Variants in VILL observed in about 807,000 individuals in gnomAD.
VILL encodes the protein villin like.
VILL carries 102 observed loss-of-function variants against 106.3 expected under a neutral mutation model. The ratio of observed to expected loss-of-function variants is 0.96; its 90% CI spans 0.82 to 1.13. The LOEUF is 1.13. Ranked by LOEUF, VILL falls within the 50% of genes most tolerant of loss-of-function variation. The pLI is 0.00. For missense variants in VILL, 1,076 were observed against 1,116.6 expected (o/e 0.96, Z 0.52); for synonymous variants, 431 against 440.3 (o/e 0.98, Z 0.27).
At chr3:38,001,145 A>T in intron 11 of VILL, 1 of 538,350 alleles carries the variant, frequency 1.9e-6, no homozygotes, top group South Asian at 1.8e-5. Context: ...AGCAGCTGGG[A>T]GGGGACTGAA....
Position 38,003,168 on chromosome 3 carries a change from G to T in VILL, c.1660G>T (p.Gly554Cys). ...CCTGAGCCATCTCTTTGCCTGCTAG[G>T]GCTGTAATGGTGATCAGCGTGAGAT... is the stretch of plus-strand genomic sequence containing the variant. ...ASVCYLWFGK[G>C]CNGDQREMAR... Residue 554 changes from glycine (G) to cysteine (C), a missense_variant and splice_region_variant, in exon 15 of 20, where the codon GGC becomes TGC. Coordinates refer to ENST00000383759, the MANE Select transcript of VILL (RefSeq NM_015873.4). 1 of 1,613,676 alleles carries T rather than the reference G, an allele frequency of 6.2e-7. No individual in the cohort carries two copies. The highest frequency in any genetic ancestry group is 8.5e-7 in the Non-Finnish European group (1 of 1,179,812).
In VILL at chr3:37,998,744, G is replaced by C. The variant is rs1165285417; in HGVS notation, c.943-168G>C. On this transcript the variant is annotated intron_variant, in intron 9 of 19. Transcript: ENST00000383759. The surrounding 1 kb of genome is among the most constrained non-coding windows in gnomAD (Gnocchi z 4.1). ...CTAAGGGGGCCCTGCCTGCCCTCAGGGACCTCAGAGAAGTCGGTGGTGACA... is the reference window on the plus strand; with the variant it reads ...CTAAGGGGGCCCTGCCTGCCCTCAGCGACCTCAGAGAAGTCGGTGGTGACA... Among the ~76,000 whole-genome samples, 2 of 152,162 alleles carry C rather than the reference G, an allele frequency of 1.3e-5. No homozygotes were observed. The highest frequency in any genetic ancestry group is 2.9e-5 in the Non-Finnish European group (2 of 68,030).
Position 37,997,392 on chromosome 3 carries a change from T to C in VILL, c.562-91T>C. The C allele has an allele frequency of 1.4e-6, 2 of 1,422,520 alleles. No individual in the cohort carries two copies. The highest frequency in any genetic ancestry group is 1.9e-6 in the Non-Finnish European group (2 of 1,030,026). The allele number at this position is 1,422,520 out of a possible 1,614,324, so 88.1% of individuals were successfully genotyped here. ...GAGGGGACATCAGCCCTTCTCCCCA[T>C]CAGCCTCTGGGAGCTGAGCAGTGAC... On this transcript the variant is annotated intron_variant, in intron 6 of 19. Coordinates refer to ENST00000383759, the MANE Select transcript of VILL (RefSeq NM_015873.4). The surrounding 1 kb of genome is among the most constrained non-coding windows in gnomAD (Gnocchi z 4.7).
chr3:37,998,101 AG>A lies in VILL; in HGVS notation c.779del (p.Gly260AlafsTer14), dbSNP rs1699739269. ...ANVRLYHVYE[K>X]GKDLVVLELA... is the part of the protein sequence containing the mutation. The stretch of plus-strand genomic sequence containing the variant: ...TCCTGTCCCCCCAGTGTCTATGAGA[AG>A]GGCAAAGACCTGGTGGTCCTGGAGT... On this transcript the variant is annotated frameshift_variant, in exon 8 of 20. Transcript: ENST00000383759. LOFTEE classifies it high-confidence loss of function. The surrounding 1 kb of genome is among the most constrained non-coding windows in gnomAD (Gnocchi z 4.1). The A allele has an allele frequency of 6.2e-7, 1 of 1,611,238 alleles. No individual in the cohort carries two copies. The highest frequency in any genetic ancestry group is 1.3e-5 in the African/African-American group (1 of 74,786).
chr3:37,996,217 G>A (rs1349295624), intron 5 of VILL, among the ~76,000 whole-genome samples: 1 of 152,154 alleles, frequency 6.6e-6, no homozygotes, highest in Admixed American at 6.5e-5. Context: ...TTGGGCAGAT[G>A]GGGCAGATGA....
intron 19 of VILL, 26 bp from the exon 20 acceptor site, chr3:38,006,916 T>C (rs945290584): frequency 2.5e-6 from 4 of 1,597,720 alleles, no homozygotes; most frequent in Non-Finnish European, 2.6e-6. Flanking sequence ...CCCTACCCTG[T>C]ACCTCCCCCT....
Position 38,006,599 on chromosome 3 carries a change from A to T in VILL, c.2356A>T (p.Ser786Cys). 6.2e-7 allele frequency: 1 copy of T among 1,614,110 alleles called. No homozygotes were observed. Among genetic ancestry groups the T allele is most frequent in the Non-Finnish European group, 8.5e-7 (1 of 1,180,038 alleles). ...TGGCAGCAGAACCAGCAGCTCCGTC[A>T]GCAGCACCAGCGCCACGATCAACGG... The part of the protein sequence containing the change: ...SAGSRTSSSV[S>C]STSATINGGL... The change falls in exon 19 of 20, where the codon AGC becomes TGC. Residue 786 changes from serine (S) to cysteine (C), a missense_variant. By Grantham distance (112) the Ser-to-Cys change is moderately radical (BLOSUM62 -1). Coordinates refer to ENST00000383759, the MANE Select transcript of VILL (RefSeq NM_015873.4).
At position 38,003,319 on chromosome 3, in the gene VILL, A is replaced by G. The variant is rs201227218; in HGVS notation, c.1805+6A>G. On this transcript the variant is annotated splice_donor_region_variant and intron_variant, in intron 15 of 19. Coordinates refer to ENST00000383759, the MANE Select transcript of VILL (RefSeq NM_015873.4). ...CCCTACCCCAGCAACAAGAGGTAAC[A>G]GGGTTGGGAGGAGAGTGTTCTTACC... 1 of 1,600,564 alleles carries G rather than the reference A, an allele frequency of 6.2e-7. No homozygotes were observed. Among genetic ancestry groups the G allele is most frequent in the East Asian group, 2.2e-5 (1 of 44,540 alleles).
rs1368414258 is a variant in VILL, at chr3:37,999,456, T to C, written c.1182+17T>C. ...AAGGTGGAGGTGAGGGGTACTGGGT[T>C]AGCTGGGGGAAGATGGGCACACGGA... On this transcript the variant is annotated intron_variant, in intron 11 of 19. Transcript: ENST00000383759. 2.1e-6 allele frequency: 3 copies of C among 1,461,236 alleles called. No individual in the cohort carries two copies. The highest frequency in any genetic ancestry group is 1.8e-6 in the Non-Finnish European group (2 of 1,106,568). 90.5% of individuals were successfully genotyped at this position (1,461,236 alleles called of 1,614,324 possible).
rs529252178 is a variant in VILL, at chr3:38,001,458, G to A, written c.1185G>A (p.Val395=). The change falls in exon 12 of 20, where the codon GTG becomes GTA. Residue 395 remains valine (V), a splice_region_variant and synonymous_variant. Coordinates refer to ENST00000383759, the MANE Select transcript of VILL (RefSeq NM_015873.4). ...CCCATTGGTCCCTTATTCCCCAGGT[G>A]TGGTGCATCCAGGACTTACACAGGC... is the stretch of plus-strand genomic sequence containing the variant. The part of the protein sequence containing the change: ...MVDDGSGKVE[V]WCIQDLHRQP... The A allele has an allele frequency of 6.2e-7, 1 of 1,614,040 alleles. No homozygotes were observed. Among genetic ancestry groups the A allele is most frequent in the East Asian group, 2.2e-5 (1 of 44,892 alleles).
In VILL at chr3:38,004,334, G is replaced by A. The variant is rs1348667417; in HGVS notation, c.1885G>A (p.Val629Met). ...CATGGGCTGCCTGGTCCTCGCAGAA[G>A]TGGGGTTCTTCAGCCAGGAGGACCT... ...SHMGCLVLAE[V>M]GFFSQEDLDK... Residue 629 changes from valine (V) to methionine (M), a missense_variant, in exon 16 of 20, where the codon GTG becomes ATG. Physicochemically the swap from Val to Met is conservative, Grantham distance 21. Transcript: ENST00000383759. 5 of 1,613,718 alleles carry A rather than the reference G, an allele frequency of 3.1e-6. No homozygotes were observed. Among genetic ancestry groups the A allele is most frequent in the African/African-American group, 1.3e-5 (1 of 74,954 alleles).
Position 37,999,272 on chromosome 3 carries a change from G to A in VILL, c.1082-67G>A, listed in dbSNP as rs1575336801. On this transcript the variant is annotated intron_variant, in intron 10 of 19. Transcript: ENST00000383759. ...AATCTTGGAGGGATGGTTGAGGAGT[G>A]GGCGGGGCGGAGATGGTGTTGGGGG... The A allele has an allele frequency of 3.0e-6, 4 of 1,329,702 alleles. No individual in the cohort carries two copies. The East Asian group carries it at 7.8e-5, about 26-fold the overall frequency. The allele number at this position is 1,329,702 out of a possible 1,614,324, so 82.4% of individuals were successfully genotyped here.
In VILL at chr3:38,005,813, G is replaced by A. The variant is rs757260285; in HGVS notation, c.1972G>A (p.Ala658Thr). The change falls in exon 17 of 20, where the codon GCT becomes ACT. Residue 658 changes from alanine to threonine, a missense_variant. By Grantham distance (58) the Ala-to-Thr change is moderately conservative. Coordinates refer to ENST00000383759, the MANE Select transcript of VILL (RefSeq NM_015873.4). The stretch of plus-strand genomic sequence containing the variant: ...TCAGATCTTCCTGTGGCTTGGGGAA[G>A]CTGCAAGTGAGTGGAAGGAGGCGGT... Reference protein sequence around the residue: ...WQEIFLWLGEAASEWKEAVAW... With the variant: ...WQEIFLWLGETASEWKEAVAW... 2 of 1,612,080 alleles carry A rather than the reference G, an allele frequency of 1.2e-6. No individual in the cohort carries two copies. The highest frequency in any genetic ancestry group is 1.7e-6 in the Non-Finnish European group (2 of 1,179,018).
intron 17 of VILL, 72 bp downstream of exon 17, chr3:38,006,046 TGAG>T (rs780360077): frequency 8.8e-6 from 14 of 1,590,288 alleles, no homozygotes; most frequent in Non-Finnish European, 1.2e-5. Context: ...GCCAATGGAA[TGAG>T]GAGGCACTGC....
chr3:37,988,969 T>G (rs1208779473), upstream of VILL, among the ~76,000 whole-genome samples: 1 of 152,250 alleles, frequency 6.6e-6, no homozygotes, highest in Non-Finnish European at 1.5e-5. Context: ...TTACCACAAT[T>G]TTTTTAAATC....
chr3:37,997,094 C>T lies in VILL; in HGVS notation c.468C>T (p.Asn156=), dbSNP rs774027504. 1 of 1,614,064 alleles carries T rather than the reference C, an allele frequency of 6.2e-7. No homozygotes were observed. Among genetic ancestry groups the T allele is most frequent in the Non-Finnish European group, 8.5e-7 (1 of 1,179,988 alleles). The change falls in exon 6 of 20, where the codon AAC becomes AAT. Residue 156 remains asparagine, a synonymous_variant. Coordinates refer to ENST00000383759, the MANE Select transcript of VILL (RefSeq NM_015873.4). This position sits in a 1 kb window ranked among gnomAD's most constrained non-coding sequence, Gnocchi z 4.7. The stretch of plus-strand genomic sequence containing the variant: ...TCTGGCAGGTGGAGCTCTCCTGGAA[C>T]AGCTTTAATAAGGGTGACATCTTCC... The part of the protein sequence containing the change: ...VSATEVELSW[N]SFNKGDIFLL...
chr3:38,007,166 G>A lies in VILL; in HGVS notation c.*111G>A. ...GCTTTTGGTCATCCTCTGCGTGTCA[G>A]TAAAAGCAGGCAGCCCATACGAGCT... On this transcript the variant is annotated 3_prime_UTR_variant, in exon 20 of 20. Coordinates refer to ENST00000383759, the MANE Select transcript of VILL (RefSeq NM_015873.4). 1 of 874,914 alleles carries A rather than the reference G, an allele frequency of 1.1e-6. No homozygotes were observed. The highest frequency in any genetic ancestry group is 1.7e-5 in the African/African-American group (1 of 59,616). 54.2% of individuals were successfully genotyped at this position (874,914 alleles called of 1,614,324 possible).
intron 3 of VILL, 57 bp from the exon 4 acceptor site, chr3:37,994,204 C>T: frequency 6.5e-7 from 1 of 1,547,256 alleles, no homozygotes; most frequent in East Asian, 2.4e-5. Context: ...TCCTCCCCTT[C>T]TCCACCCGCA....
At position 37,993,891 on chromosome 3, in the gene VILL, C is replaced by T. The variant is rs1047527963; in HGVS notation, c.61-7C>T. The stretch of plus-strand genomic sequence containing the variant: ...CTGAGTTGTTACAGGGAACTCTCCT[C>T]TCCCAGAACCGGAAGATGGTGCCGG... On this transcript the variant is annotated splice_polypyrimidine_tract_variant and splice_region_variant and intron_variant, in intron 2 of 19. Coordinates refer to ENST00000383759, the MANE Select transcript of VILL (RefSeq NM_015873.4). The T allele has an allele frequency of 1.9e-6, 3 of 1,614,090 alleles. No individual in the cohort carries two copies. The highest frequency in any genetic ancestry group is 2.7e-5 in the African/African-American group (2 of 74,940).
Sources: allele counts gnomAD v4.1 joint callset (sites outside exome capture counted in the v4.1 genomes callset), GRCh38; gene constraint gnomAD v4.1.1; non-coding constraint Gnocchi (gnomAD v3.1); transcripts MANE v1.5; gene names NCBI Gene and HGNC (gene_info 2026-07-23, HGNC 2026-07-21).